The following SNRPN variants were observed in gnomAD, a reference collection of about 807,000 sequenced individuals.
The protein encoded by SNRPN is small nuclear ribonucleoprotein polypeptide N.
Under a neutral mutation model 25.2 loss-of-function variants are expected in SNRPN, and 7 were observed. That is an observed-to-expected ratio of 0.28 (90% CI 0.16 to 0.52). SNRPN has a LOEUF of 0.52. Ranked by LOEUF, SNRPN falls within the 20% of genes least tolerant of loss-of-function variation. The pLI, the probability that SNRPN is intolerant of heterozygous loss-of-function variation, is 0.96. For synonymous variants in SNRPN, 124 were observed against 110.6 expected (o/e 1.12, Z -0.76); for missense variants, 196 against 322.5 (o/e 0.61, Z 3.00).
chr15:24,864,383 A>C, intron 1 of SNRPN, among the ~76,000 whole-genome samples: 1 of 120,522 alleles, frequency 8.3e-6, no homozygotes, highest in Non-Finnish European at 1.7e-5. Context: ...TGCTTTTGTC[A>C]CACAGGCTAG....
At chr15:24,840,088 T>C (rs1178265722) in intron 2 of SNRPN, among the ~76,000 whole-genome samples, 1 of 152,178 alleles carries the variant, frequency 6.6e-6, no homozygotes, top group East Asian at 1.9e-4. Flanking sequence ...CCGGGCGTGG[T>C]GGCTCATGCC....
At chr15:24,829,651 C>T (rs1162966647) in intron 1 of SNRPN, 3 of 152,352 alleles carry the variant, frequency 2.0e-5, no homozygotes, top group African/African-American at 4.8e-5. Context: ...TCCATGAGGT[C>T]TTCTGATTCA....
chr15:24,940,903 GGTGTTAA>G (rs934573083), intron 3 of SNRPN, among the ~76,000 whole-genome samples: 3 of 152,270 alleles, frequency 2.0e-5, no homozygotes, highest in African/African-American at 4.8e-5. Context: ...GAAGAGTTGC[GGTGTTAA>G]GTGTTAAGTC....
At chr15:24,975,281 G>A in intron 4 of SNRPN, 77 bp from the exon 5 acceptor site, 2 of 1,136,968 alleles carry the variant, frequency 1.8e-6, no homozygotes, top group Non-Finnish European at 1.3e-6. Flanking sequence ...TTATGTAAGG[G>A]TGGAGAAGAA....
chr15:24,975,735 T>C (rs2076985586), intron 5 of SNRPN, among the ~76,000 whole-genome samples: 1 of 152,210 alleles, frequency 6.6e-6, no homozygotes, highest in Non-Finnish European at 1.5e-5. Context: ...GGAGTAAAAG[T>C]ATATGCTATG....
chr15:24,927,475 AATTTTTT>A lies in SNRPN; in HGVS notation c.-391+7352_-391+7358del, dbSNP rs2060473400. Among the ~76,000 whole-genome samples, 74 of 113,296 alleles carry A rather than the reference AATTTTTT, an allele frequency of 6.5e-4. 1 individual carries two copies. Among genetic ancestry groups the A allele is most frequent in the African/African-American group, 2.3e-3 (67 of 29,582 alleles). The allele number at this position is 113,296 out of a possible 152,430, so 74.3% of individuals were successfully genotyped here. ...TTTCCCACTGCTTATAAAGTTTTTA[AATTTTTT>A]TTTTTTTTTTTTTTTTTTTTTTTTT... is the stretch of plus-strand genomic sequence containing the variant. On this transcript the variant is annotated intron_variant, in intron 3 of 11. Coordinates refer to the SNRPN transcript ENST00000400097.
intron 3 of SNRPN, among the ~76,000 whole-genome samples, chr15:24,927,674 G>C (rs2060513673): frequency 6.6e-6 from 1 of 151,714 alleles, no homozygotes. Context: ...CCATAACCCA[G>C]TTTCTTCATT....
chr15:24,963,160 A>G (rs747196603), intron 2 of SNRPN, among the ~76,000 whole-genome samples: 3 of 152,194 alleles, frequency 2.0e-5, no homozygotes, highest in Admixed American at 6.5e-5. Context: ...TATTTTGACA[A>G]TATGTCTTGG....
At chr15:24,864,339 C>A (rs903613259) in intron 1 of SNRPN, among the ~76,000 whole-genome samples, 1 of 117,268 alleles carries the variant, frequency 8.5e-6, no homozygotes. Context: ...CTCTTCTTTT[C>A]TTTTTTTTTT....
chr15:24,892,175 T>G (rs1244440740), intron 2 of SNRPN, among the ~76,000 whole-genome samples: 1 of 152,182 alleles, frequency 6.6e-6, no homozygotes, highest in Non-Finnish European at 1.5e-5. Context: ...GGATAAAATA[T>G]CCAGTCTATT....
At chr15:24,974,880 G>A in intron 4 of SNRPN, 1 of 702,074 alleles carries the variant, frequency 1.4e-6, no homozygotes, top group Non-Finnish European at 2.6e-6. Context: ...AATGTTTCAT[G>A]ATGTGAGAAA....
At chr15:24,855,957 A>C (rs1299104811), upstream of SNRPN, among the ~76,000 whole-genome samples, 1 of 152,122 alleles carries the variant, frequency 6.6e-6, no homozygotes, top group Admixed American at 6.6e-5. Flanking sequence ...TTCCCTGTGG[A>C]TATATTTCTT....
At chr15:24,952,819 A>G (rs1262199607), upstream of SNRPN, among the ~76,000 whole-genome samples, 7 of 152,228 alleles carry the variant, frequency 4.6e-5, no homozygotes, top group East Asian at 3.8e-4. Context: ...AAAATACAAA[A>G]CAATCTCAAA....
intron 2 of SNRPN, among the ~76,000 whole-genome samples, chr15:24,888,121 T>TTTTTTTC (rs1459851950): frequency 2.6e-5 from 4 of 151,692 alleles, no homozygotes; most frequent in African/African-American, 9.7e-5. Context: ...ACTTTTTTTT[T>TTTTTTTC]TTTTTGAGAT....
At chr15:24,895,094 G>A (rs928976436) in intron 2 of SNRPN, among the ~76,000 whole-genome samples, 2 of 152,082 alleles carry the variant, frequency 1.3e-5, no homozygotes, top group Admixed American at 1.3e-4. Context: ...AATAAACTGG[G>A]GGAAACAGCA....
chr15:24,951,126 G>A (rs1385933250), upstream of SNRPN, among the ~76,000 whole-genome samples: 1 of 152,110 alleles, frequency 6.6e-6, no homozygotes, highest in Non-Finnish European at 1.5e-5. Flanking sequence ...CTCCCAAAGT[G>A]CTGATATTAC....
chr15:24,891,068 G>A (rs939989974), intron 2 of SNRPN, among the ~76,000 whole-genome samples: 2 of 152,040 alleles, frequency 1.3e-5, no homozygotes, highest in Non-Finnish European at 1.5e-5. Context: ...GCACCACCAC[G>A]CTTGGCTAAT....
chr15:24,932,033 G>C (rs905372566), intron 3 of SNRPN, among the ~76,000 whole-genome samples: 1 of 151,938 alleles, frequency 6.6e-6, no homozygotes, highest in Admixed American at 6.6e-5. Flanking sequence ...GTTAGACTAT[G>C]ACCCTCGCAC....
At position 24,978,528 on chromosome 15, in the gene SNRPN, C is replaced by T. The variant is rs1312872394; in HGVS notation, c.*84C>T. Reference sequence around the variant, plus strand: ...TAGAGTGTTTGTGAGCTTTTTGTTCCCTCATTCTGCATTAATAATAGCTAA... The same window carrying T: ...TAGAGTGTTTGTGAGCTTTTTGTTCTCTCATTCTGCATTAATAATAGCTAA... On this transcript the variant is annotated 3_prime_UTR_variant, in exon 10 of 10. Transcript: ENST00000390687. 7 of 1,187,020 alleles carry T rather than the reference C, an allele frequency of 5.9e-6. No homozygotes were observed. Among genetic ancestry groups the T allele is most frequent in the Non-Finnish European group, 8.8e-6 (7 of 795,332 alleles). 73.5% of individuals were successfully genotyped at this position (1,187,020 alleles called of 1,614,324 possible).
Sources: gnomAD v4.1 joint callset for allele counts (sites outside exome capture counted in the v4.1 genomes callset) on GRCh38, gnomAD v4.1.1 for gene constraint, MANE v1.5 for transcripts, NCBI Gene and HGNC (gene_info 2026-07-23, HGNC 2026-07-21) for gene names.